Variants in RARB observed in about 807,000 individuals in gnomAD.
RARB encodes the protein retinoic acid receptor beta.
RARB carries 17 observed loss-of-function variants against 51.9 expected under a neutral mutation model. The ratio of observed to expected loss-of-function variants is 0.33; its 90% CI spans 0.22 to 0.49. The LOEUF (loss-of-function observed/expected upper bound fraction) is 0.49. Among genes scored for constraint, RARB ranks in the 20% least tolerant of loss-of-function variants. RARB has a pLI of 0.99. For missense variants in RARB, 369 were observed against 550.8 expected, an observed-to-expected ratio of 0.67 and a Z score of 3.30; for synonymous variants, 215 against 195.4, an observed-to-expected ratio of 1.10 and a Z score of -0.84.
intron 4 of RARB, 101 bp downstream of exon 4, chr3:25,570,019 CACTT>C: frequency 8.7e-7 from 1 of 1,148,698 alleles, no homozygotes; most frequent in Non-Finnish European, 1.2e-6. Flanking sequence ...CACACACACA[CACTT>C]TGCACTGGGC....
At chr3:25,152,035 C>T (rs1357717442) in intron 4 of RARB, among the ~76,000 whole-genome samples, 3 of 152,068 alleles carry the variant, frequency 2.0e-5, no homozygotes, top group Admixed American at 2.0e-4. Flanking sequence ...GTTTTAAGTA[C>T]TTAAAAATTC....
chr3:24,871,685 TAGTACATATCTCAAATTTAACA>T (rs1401960954), intron 2 of RARB, among the ~76,000 whole-genome samples: 1 of 152,144 alleles, frequency 6.6e-6, no homozygotes, highest in Non-Finnish European at 1.5e-5. Context: ...GTTGAATGCC[TAGTACATATCTCAAATTTAACA>T]AGTCTAAAAC....
intron 2 of RARB, among the ~76,000 whole-genome samples, chr3:24,950,147 T>C (rs1030347950): frequency 3.3e-5 from 5 of 152,224 alleles, no homozygotes; most frequent in African/African-American, 9.6e-5. Context: ...TTTTATTCTT[T>C]AGGTATTTCA....
chr3:24,923,527 C>G (rs1354888822), intron 2 of RARB, among the ~76,000 whole-genome samples: 8 of 151,094 alleles, frequency 5.3e-5, no homozygotes, highest in Non-Finnish European at 1.5e-5. Context: ...TATTTTGAAT[C>G]TTCAGCATGT....
intron 4 of RARB, among the ~76,000 whole-genome samples, chr3:25,155,294 C>T (rs4681089): frequency 0.47 from 70,892 of 151,958 alleles, 17,355 homozygotes; most frequent in East Asian, 0.7. Flanking sequence ...TTCCCCCTGA[C>T]CCCAGCACAC....
chr3:25,551,754 A>G (rs961779223), intron 3 of RARB, among the ~76,000 whole-genome samples: 3 of 152,162 alleles, frequency 2.0e-5, no homozygotes, highest in African/African-American at 7.2e-5. Context: ...TCCCAGAGAT[A>G]CAGAATTCTT....
rs1001609192 is a variant in RARB, at chr3:24,839,109, T to C, written c.-459+9706T>C. ...TTAATATGATAGAAAATACTCAATT[T>C]AGGAACTGGCATTGACAAAGATACT... is the stretch of plus-strand genomic sequence containing the variant. On this transcript the variant is annotated intron_variant, in intron 1 of 11. Transcript: ENST00000383772. Among the ~76,000 whole-genome samples, 4 of 152,070 alleles carry C rather than the reference T, an allele frequency of 2.6e-5. No individual in the cohort carries two copies. The South Asian group carries it at 8.3e-4, about 32-fold the overall frequency.
intron 5 of RARB, among the ~76,000 whole-genome samples, chr3:25,414,988 C>A (rs1444499160): frequency 6.6e-6 from 1 of 152,070 alleles, no homozygotes; most frequent in Non-Finnish European, 1.5e-5. Flanking sequence ...ATTACAGGCA[C>A]CTGCCACCAT....
At chr3:24,922,663 G>C (rs996230678) in intron 2 of RARB, among the ~76,000 whole-genome samples, 10 of 152,192 alleles carry the variant, frequency 6.6e-5, no homozygotes, top group Non-Finnish European at 1.2e-4. Context: ...AAAAAGAGAA[G>C]TGTAGAAGAC....
chr3:25,233,873 ATTAAC>A (rs1434806928), intron 5 of RARB, among the ~76,000 whole-genome samples: 7 of 151,694 alleles, frequency 4.6e-5, no homozygotes, highest in African/African-American at 1.7e-4. Flanking sequence ...TAATGCCATC[ATTAAC>A]TTCATTGATT....
At chr3:24,837,850 A>C (rs978497906) in intron 1 of RARB, among the ~76,000 whole-genome samples, 1 of 152,222 alleles carries the variant, frequency 6.6e-6, no homozygotes, top group Non-Finnish European at 1.5e-5. Flanking sequence ...AGTGGCCATG[A>C]AGCCTGTATT....
intron 2 of RARB, among the ~76,000 whole-genome samples, chr3:24,872,220 C>A (rs1024348059): frequency 6.6e-6 from 1 of 152,136 alleles, no homozygotes; most frequent in African/African-American, 2.4e-5. Flanking sequence ...TTACCATTAT[C>A]CCCCTTGCAC....
chr3:24,855,838 G>A (rs563255062), intron 1 of RARB, among the ~76,000 whole-genome samples: 74 of 143,604 alleles, frequency 5.2e-4, no homozygotes, highest in Non-Finnish European at 5.2e-4. Context: ...TGCAAGCTCC[G>A]CGTCCCGGGT....
chr3:25,502,648 T>C (rs1298350953), intron 3 of RARB, among the ~76,000 whole-genome samples: 1 of 152,204 alleles, frequency 6.6e-6, no homozygotes, highest in Non-Finnish European at 1.5e-5. Context: ...TCCAGCCGCA[T>C]GCGTGAACAT....
chr3:24,912,322 T>C (rs1695005719), intron 2 of RARB, among the ~76,000 whole-genome samples: 1 of 152,190 alleles, frequency 6.6e-6, no homozygotes, highest in African/African-American at 2.4e-5. Context: ...CCATTTGTTC[T>C]ACAAAAGGAT....
intron 2 of RARB, among the ~76,000 whole-genome samples, chr3:24,991,209 G>T (rs562537030): frequency 6.6e-6 from 1 of 152,202 alleles, no homozygotes; most frequent in Non-Finnish European, 1.5e-5. Context: ...GGGAGGCTGA[G>T]GTGGGCAGAT....
intron 5 of RARB, among the ~76,000 whole-genome samples, chr3:25,287,513 C>A (rs929959725): frequency 6.6e-6 from 1 of 152,172 alleles, no homozygotes; most frequent in Non-Finnish European, 1.5e-5. Flanking sequence ...ATAGAAACTG[C>A]TTCCATCCAT....
At chr3:25,340,889 C>T (rs1705207814) in intron 5 of RARB, among the ~76,000 whole-genome samples, 1 of 152,170 alleles carries the variant, frequency 6.6e-6, no homozygotes, top group African/African-American at 2.4e-5. Flanking sequence ...ATTGCCTTTC[C>T]AGGTGAGGTT....
chr3:25,326,332 A>G (rs541259081), intron 5 of RARB, among the ~76,000 whole-genome samples: 1 of 152,288 alleles, frequency 6.6e-6, no homozygotes, highest in African/African-American at 2.4e-5. Flanking sequence ...CATCTCACTG[A>G]TAGTTGGACA....
Sources: gnomAD v4.1 joint callset for allele counts (sites outside exome capture counted in the v4.1 genomes callset) on GRCh38, gnomAD v4.1.1 for gene constraint, MANE v1.5 for transcripts, NCBI Gene and HGNC (gene_info 2026-07-23, HGNC 2026-07-21) for gene names.